Variants in MORC1 observed in about 807,000 individuals in gnomAD.
The protein encoded by MORC1 is MORC family CW-type zinc finger 1, also known as MORC family CW-type zinc finger protein 1.
MORC1 carries 59 observed loss-of-function variants against 134.9 expected under a neutral mutation model. The ratio of observed to expected loss-of-function variants is 0.44; its 90% CI spans 0.35 to 0.54. The LOEUF is 0.54. Ranked by LOEUF, MORC1 falls within the 20% of genes least tolerant of loss-of-function variation. The pLI is 0.00. For missense variants in MORC1, 947 were observed against 1,134.5 expected (o/e 0.83, Z 2.37); for synonymous variants, 395 against 391.7 (o/e 1.01, Z -0.10).
chr3:109,005,838 T>C (rs1177712515), intron 18 of MORC1, among the ~76,000 whole-genome samples: 1 of 152,210 alleles, frequency 6.6e-6, no homozygotes, highest in Non-Finnish European at 1.5e-5. Context: ...ACACTCTAGT[T>C]ATCCTAAGCA....
chr3:109,035,296 A>G, intron 15 of MORC1, 44 bp downstream of exon 15: 1 of 1,524,596 alleles, frequency 6.6e-7, no homozygotes, highest in Middle Eastern at 1.7e-4. Context: ...TGCATATTTA[A>G]GAGCCCTTAA....
chr3:109,117,966 C>T, intron 1 of MORC1, 29 bp downstream of exon 1: 2 of 1,557,792 alleles, frequency 1.3e-6, no homozygotes, highest in Non-Finnish European at 1.7e-6. Context: ...AGAGACCCTC[C>T]CCGACCCCGA....
intron 9 of MORC1, among the ~76,000 whole-genome samples, chr3:109,067,724 AG>A (rs1462480726): frequency 6.6e-6 from 1 of 152,230 alleles, no homozygotes; most frequent in African/African-American, 2.4e-5. Context: ...ACTGATTTAT[AG>A]GGAAAGTCTC....
rs207463486 is a variant in MORC1, at chr3:109,102,940, A to G, written c.223+909T>C. Among the ~76,000 whole-genome samples, 4 of 152,306 alleles carry G rather than the reference A, an allele frequency of 2.6e-5. No homozygotes were observed. The East Asian group carries it at 7.7e-4, about 29-fold the overall frequency. On this transcript the variant is annotated intron_variant, in intron 4 of 27. Transcript: ENST00000232603. ...CAAAATTATCCGAAGTCAGAACAAA[A>G]CTGGGTGAAACAGTCTTTCTAAACT...
At chr3:109,001,028 T>G (rs1367774113) in intron 20 of MORC1, among the ~76,000 whole-genome samples, 1 of 152,228 alleles carries the variant, frequency 6.6e-6, no homozygotes, top group Non-Finnish European at 1.5e-5. Flanking sequence ...TTCAAGTGCT[T>G]ATAAAGAATT....
chr3:108,973,770 T>G (rs1947464003), intron 24 of MORC1, among the ~76,000 whole-genome samples: 1 of 151,864 alleles, frequency 6.6e-6, no homozygotes, highest in Non-Finnish European at 1.5e-5. Flanking sequence ...CTCATTTTTG[T>G]TATTTTTGTT....
At chr3:109,071,446 G>GGA (rs2107711472) in intron 8 of MORC1, among the ~76,000 whole-genome samples, 1 of 152,160 alleles carries the variant, frequency 6.6e-6, no homozygotes, top group African/African-American at 2.4e-5. Context: ...TGCATGTTGG[G>GGA]GATCTTCAAG....
At position 109,032,761 on chromosome 3, in the gene MORC1, G is replaced by A. The variant is rs749106131; in HGVS notation, c.1524C>T (p.Asp508=). 1 of 1,608,698 alleles carries A rather than the reference G, an allele frequency of 6.2e-7. No homozygotes were observed. Among genetic ancestry groups the A allele is most frequent in the South Asian group, 1.1e-5 (1 of 90,016 alleles). Residue 508 remains aspartate (D), a synonymous_variant, in exon 16 of 28, where the codon GAC becomes GAT. Transcript: ENST00000232603. ...TGGGATTATTAGCACAAATCCAAAT[G>A]TCAAAAAATTCTTTTTCCTGATAAT... ...STNYQEKEFF[D]IWICANNPNR... is the part of the protein sequence containing the mutation.
rs1947909752 is a variant in MORC1, at chr3:108,986,909, T to C, written c.2228A>G (p.Glu743Gly). 2 of 1,577,216 alleles carry C rather than the reference T, an allele frequency of 1.3e-6. No individual in the cohort carries two copies. Among genetic ancestry groups the C allele is most frequent in the South Asian group, 1.2e-5 (1 of 83,118 alleles). Reference protein sequence around the residue: ...KSNTDVSLKQEKKEIPLLNQE... With the variant: ...KSNTDVSLKQGKKEIPLLNQE... ...GTTTAAAAGAGGAATTTCCTTTTTT[T>C]CTTGTTTCAATGAAACATCAGTGTT... Residue 743 changes from glutamate (E) to glycine (G), a missense_variant, in exon 22 of 28, where the codon GAA (glutamate) becomes GGA (glycine). Glu to Gly is a moderately conservative substitution (Grantham distance 98). Transcript: ENST00000232603.
chr3:109,110,318 G>A (rs1444309682), intron 3 of MORC1: 1 of 158,878 alleles, frequency 6.3e-6, no homozygotes, highest in African/African-American at 2.4e-5. Context: ...TGATGACTAC[G>A]AATAAAGTCA....
At chr3:109,099,169 A>G (rs377478006) in intron 6 of MORC1, among the ~76,000 whole-genome samples, 189 bp downstream of exon 6, 2 of 152,362 alleles carry the variant, frequency 1.3e-5, no homozygotes, top group East Asian at 3.9e-4. Context: ...TGAAGTTCTC[A>G]GGAAAGGGTC....
At chr3:109,004,926 T>C (rs773562317) in intron 19 of MORC1, 38 bp from the exon 20 acceptor site, 4 of 1,597,530 alleles carry the variant, frequency 2.5e-6, no homozygotes, top group East Asian at 2.2e-5. Flanking sequence ...AAATTAGAAA[T>C]TGGGACCTTG....
rs767812434 is a variant in MORC1, at chr3:109,057,475, G to C, written c.1043C>G (p.Thr348Arg). 6.3e-7 allele frequency: 1 copy of C among 1,594,948 alleles called. No individual in the cohort carries two copies. Among genetic ancestry groups the C allele is most frequent in the South Asian group, 1.2e-5 (1 of 85,772 alleles). ...ATAGAACAGGGAGAGCGTTCTTGCT[G>C]TTTTTAATTCTCTAGAGTTACATTT... is the stretch of plus-strand genomic sequence containing the variant. ...NLKEKQRELKTARTLSLFYGV... is the reference protein window; with the variant it reads ...NLKEKQRELKRARTLSLFYGV... The change falls in exon 13 of 28, where the codon ACA (threonine) becomes AGA (arginine). Residue 348 changes from threonine (T) to arginine (R), a missense_variant. Around this residue, in one of 3 missense-constraint regions of MORC1, gnomAD observed 722 missense variants for 817.0 expected, o/e 0.88. Transcript: ENST00000232603.
chr3:109,086,076 A>T (rs1479738811), intron 8 of MORC1, among the ~76,000 whole-genome samples: 2 of 152,072 alleles, frequency 1.3e-5, no homozygotes, highest in African/African-American at 4.8e-5. Flanking sequence ...AATGGTAGTT[A>T]CCAGAGGCAA....
intron 21 of MORC1, among the ~76,000 whole-genome samples, chr3:108,999,530 T>C (rs763106448): frequency 3.3e-5 from 5 of 152,198 alleles, no homozygotes; most frequent in Non-Finnish European, 2.9e-5. Context: ...AAGGACATTA[T>C]CATAAGTTAA....
chr3:109,015,273 AT>A (rs1948791295), intron 17 of MORC1, among the ~76,000 whole-genome samples: 1 of 152,184 alleles, frequency 6.6e-6, no homozygotes, highest in Non-Finnish European at 1.5e-5. Flanking sequence ...TTCACTCACA[AT>A]TGGAAGAACA....
At chr3:108,984,690 A>G (rs1354170439) in intron 23 of MORC1, 26 bp downstream of exon 23, 4 of 1,512,238 alleles carry the variant, frequency 2.6e-6, no homozygotes, top group Non-Finnish European at 3.6e-6. Flanking sequence ...ACTCACTTGG[A>G]ATTTGTATAA....
At chr3:109,008,450 A>C (rs535983515) in intron 17 of MORC1, among the ~76,000 whole-genome samples, 2 of 150,766 alleles carry the variant, frequency 1.3e-5, no homozygotes, top group Non-Finnish European at 3.0e-5. Context: ...TGCAGAGTAT[A>C]TATATATATA....
rs1949475825 is a variant in MORC1, at chr3:109,040,167, C to G, written c.1331-4699G>C. ...GAGACTCTGATTTCCGGAAATACAA[C>G]ACTGTTAGATTCAAATGTCCAGTTT... On this transcript the variant is annotated intron_variant, in intron 14 of 27. Transcript: ENST00000232603. Among the ~76,000 whole-genome samples the G allele has an allele frequency of 2.0e-5, 3 of 151,522 alleles. No homozygotes were observed. In the South Asian group the frequency reaches 6.3e-4, roughly 32 times the overall value.
Sources: gnomAD v4.1 joint callset for allele counts (sites outside exome capture counted in the v4.1 genomes callset) on GRCh38, gnomAD v4.1.1 for gene constraint, gnomAD v4.1.1 regional missense constraint, MANE v1.5 for transcripts, NCBI Gene and HGNC (gene_info 2026-07-23, HGNC 2026-07-21) for gene names.